Variants in THSD7A observed in about 807,000 individuals in gnomAD.
THSD7A encodes the protein thrombospondin type-1 domain-containing protein 7A.
Under a neutral mutation model 231.3 loss-of-function variants are expected in THSD7A, and 96 were observed. The ratio of observed to expected loss-of-function variants is 0.41; its 90% CI spans 0.35 to 0.49. The LOEUF (loss-of-function observed/expected upper bound fraction) is 0.49. THSD7A is among the 20% of genes least tolerant of loss of function. The probability of loss-of-function intolerance (pLI) is 0.05; values close to 1 mark genes in which losing one functional copy is unlikely to be tolerated. For missense variants in THSD7A, 2,290 were observed against 2,070.2 expected (o/e 1.11, Z -2.06); for synonymous variants, 940 against 743.3 (o/e 1.26, Z -4.30).
chr7:11,482,034 G>A (rs1450253617), intron 6 of THSD7A, 52 bp from the exon 7 acceptor site: 2 of 1,523,548 alleles, frequency 1.3e-6, no homozygotes, highest in Non-Finnish European at 1.8e-6. Flanking sequence ...AATGTAAAAT[G>A]AGCAATTTAA....
At chr7:11,711,831 C>A (rs1780975516) in intron 1 of THSD7A, among the ~76,000 whole-genome samples, 1 of 151,172 alleles carries the variant, frequency 6.6e-6, no homozygotes, top group Non-Finnish European at 1.5e-5. Context: ...GAGATAAGGA[C>A]TGGTTACTTA....
intron 23 of THSD7A, among the ~76,000 whole-genome samples, chr7:11,394,862 C>G (rs545363138): frequency 6.6e-6 from 1 of 152,164 alleles, no homozygotes; most frequent in East Asian, 1.9e-4. Context: ...AGCACAAACA[C>G]ATACCAAATT....
chr7:11,400,460 G>T (rs543927246), intron 23 of THSD7A, among the ~76,000 whole-genome samples: 20 of 150,626 alleles, frequency 1.3e-4, no homozygotes, highest in African/African-American at 3.4e-4. Flanking sequence ...TGCTTTAGAG[G>T]TATGATTTTA....
chr7:11,595,652 T>G (rs567460178), intron 2 of THSD7A, among the ~76,000 whole-genome samples: 1 of 152,168 alleles, frequency 6.6e-6, no homozygotes, highest in Non-Finnish European at 1.5e-5. Context: ...CCAGAATACA[T>G]ACCCTTGACC....
At chr7:11,380,067 G>A (rs1782450918) in intron 24 of THSD7A, among the ~76,000 whole-genome samples, 1 of 152,160 alleles carries the variant, frequency 6.6e-6, no homozygotes, top group African/African-American at 2.4e-5. Flanking sequence ...TTCATTTCAA[G>A]TTAAAATTCT....
chr7:11,742,510 G>A (rs944025607), intron 1 of THSD7A, among the ~76,000 whole-genome samples: 1 of 151,718 alleles, frequency 6.6e-6, no homozygotes, highest in Admixed American at 6.6e-5. Context: ...AGCTGGATGT[G>A]GTGAAATAGC....
At chr7:11,622,722 A>T (rs956324450) in intron 2 of THSD7A, among the ~76,000 whole-genome samples, 23 of 152,180 alleles carry the variant, frequency 1.5e-4, no homozygotes. Flanking sequence ...CTGGCTGAAT[A>T]TCTAAAATTG....
rs189216622 is a variant in THSD7A at position 11,724,685 on chromosome 7, T to A, written c.191-87724A>T. On this transcript the variant is annotated intron_variant, in intron 1 of 27. Transcript: ENST00000423059. The stretch of plus-strand genomic sequence containing the variant: ...TTATTGCAGACATTTAAGAAAATCA[T>A]TTTAAAATGGAAAAAGTCATTTTTA... Among the ~76,000 whole-genome samples the A allele has an allele frequency of 5.9e-5, 9 of 152,104 alleles. No individual in the cohort carries two copies. In the East Asian group the frequency reaches 1.8e-3, roughly 30 times the overall value.
At chr7:11,428,354 A>G (rs1221234259) in intron 14 of THSD7A, among the ~76,000 whole-genome samples, 9 of 152,282 alleles carry the variant, frequency 5.9e-5, no homozygotes, top group South Asian at 4.1e-4. Context: ...AACGACAACT[A>G]TTAACAGCAG....
chr7:11,431,406 T>C (rs1252518106), intron 13 of THSD7A, among the ~76,000 whole-genome samples: 1 of 152,162 alleles, frequency 6.6e-6, no homozygotes, highest in African/African-American at 2.4e-5. Flanking sequence ...AACTTCATTC[T>C]TTTGCATGTG....
rs748675293 is a variant in THSD7A, at chr7:11,375,853, T to G, written c.4915A>C (p.Arg1639=). ...ACKKPKKPQR[R]QNNRLKPLTL... is the part of the protein sequence containing the mutation. ...AAAGGTTTCAGTCGGTTGTTTTGCC[T>G]TCTTTGGGGTTTCTTTGGCTTTTTG... The change falls in exon 28 of 28, where the codon AGG becomes CGG. Residue 1639 remains arginine, a synonymous_variant. Transcript: ENST00000423059. 20 of 1,612,694 alleles carry G rather than the reference T, an allele frequency of 1.2e-5. No individual in the cohort carries two copies. The highest frequency in any genetic ancestry group is 1.6e-5 in the Non-Finnish European group (19 of 1,179,082).
At chr7:11,752,505 C>T (rs1458482103) in intron 1 of THSD7A, among the ~76,000 whole-genome samples, 1 of 151,834 alleles carries the variant, frequency 6.6e-6, no homozygotes, top group Non-Finnish European at 1.5e-5. Context: ...GGGAAGAATC[C>T]ACTGATGCAA....
At chr7:11,429,193 T>A (rs1784408954) in intron 13 of THSD7A, 68 bp from the exon 14 acceptor site, 1 of 1,454,490 alleles carries the variant, frequency 6.9e-7, no homozygotes, top group Non-Finnish European at 9.2e-7. Context: ...CACCCACTAT[T>A]CTAGGTCATT....
chr7:11,744,561 T>C (rs10242153), intron 1 of THSD7A, among the ~76,000 whole-genome samples: 4,029 of 151,690 alleles, frequency 0.027, 194 homozygotes, highest in African/African-American at 0.093. Context: ...CATTTAACAT[T>C]AGGTATATCT....
At position 11,831,687 on chromosome 7, in the gene THSD7A, A is replaced by G; in HGVS notation, c.190+70T>C. 8.3e-7 allele frequency: 1 copy of G among 1,205,098 alleles called. No individual in the cohort carries two copies. The highest frequency in any genetic ancestry group is 1.1e-6 in the Non-Finnish European group (1 of 936,710). 74.7% of individuals were successfully genotyped at this position (1,205,098 alleles called of 1,614,324 possible). ...CATCCAAAAGCACCGGGGTCCCTAC[A>G]GAAGCCCACCAGCTCCTTAATGTGG... On this transcript the variant is annotated intron_variant, in intron 1 of 27. Transcript: ENST00000423059. The surrounding 1 kb of genome is among the most constrained non-coding windows in gnomAD (Gnocchi z 5.0).
chr7:11,434,362 G>T (rs1784566673), intron 13 of THSD7A, among the ~76,000 whole-genome samples: 1 of 151,308 alleles, frequency 6.6e-6, no homozygotes, highest in South Asian at 2.1e-4. Context: ...CTGCTTTCAG[G>T]TTGAAATAAA....
intron 1 of THSD7A, among the ~76,000 whole-genome samples, chr7:11,676,050 G>A (rs1315598969): frequency 2.6e-5 from 4 of 152,174 alleles, no homozygotes; most frequent in Non-Finnish European, 4.4e-5. Flanking sequence ...CCTCTAGGAC[G>A]AAGCTTCCAA....
At chr7:11,502,326 CACA>C (rs928545383) in intron 6 of THSD7A, among the ~76,000 whole-genome samples, 4 of 152,058 alleles carry the variant, frequency 2.6e-5, no homozygotes, top group Non-Finnish European at 4.4e-5. Flanking sequence ...ATGGCAGAGA[CACA>C]ACAACAACAA....
chr7:11,581,838 T>C (rs1791179962), intron 4 of THSD7A, among the ~76,000 whole-genome samples: 1 of 152,106 alleles, frequency 6.6e-6, no homozygotes, highest in African/African-American at 2.4e-5. Flanking sequence ...AAAATATGAT[T>C]TTTACCATGC....
Sources: gnomAD v4.1 joint callset for allele counts (sites outside exome capture counted in the v4.1 genomes callset) on GRCh38, gnomAD v4.1.1 for gene constraint, Gnocchi (gnomAD v3.1) non-coding constraint, MANE v1.5 for transcripts, NCBI Gene and HGNC (gene_info 2026-07-23, HGNC 2026-07-21) for gene names.